The following CLCNKA variants were observed in gnomAD, a reference collection of about 807,000 sequenced individuals.
CLCNKA encodes the protein chloride channel protein ClC-Ka.
In CLCNKA, 66 loss-of-function variants were observed where a neutral mutation model predicts 83.3. The ratio of observed to expected loss-of-function variants is 0.79; its 90% CI spans 0.65 to 0.97. The LOEUF (loss-of-function observed/expected upper bound fraction) is 0.97, where lower values mean the gene tolerates loss of function less well. Among genes scored for constraint, CLCNKA ranks in the 50% least tolerant of loss-of-function variants. The probability of loss-of-function intolerance (pLI) is 0.00; values close to 1 mark genes in which losing one functional copy is unlikely to be tolerated. For missense variants in CLCNKA, 806 were observed against 888.7 expected, an observed-to-expected ratio of 0.91 and a Z score of 1.18; for synonymous variants, 357 against 370.4, an observed-to-expected ratio of 0.96 and a Z score of 0.42.
At position 16,033,695 on chromosome 1, in the gene CLCNKA, A is replaced by C. The variant is rs28418375; in HGVS notation, c.*37A>C. 153,345 of 1,459,566 alleles carry C rather than the reference A, an allele frequency of 0.11. 7,940 individuals are homozygous for C. Among genetic ancestry groups the C allele is most frequent in the Non-Finnish European group, 0.11 (121,525 of 1,058,940 alleles). The allele number at this position is 1,459,566 out of a possible 1,614,324, so 90.4% of individuals were successfully genotyped here. On this transcript the variant is annotated 3_prime_UTR_variant, in exon 20 of 20. Coordinates refer to ENST00000331433, the MANE Select transcript of CLCNKA (RefSeq NM_004070.4). ...AAGATGAAACAGGGCACCCCAGCTG[A>C]CCTGGTACTGAGGTTGGGCTGAGAC...
chr1:16,026,434 G>A, intron 5 of CLCNKA, 102 bp from the exon 6 acceptor site: 1 of 1,538,196 alleles, frequency 6.5e-7, no homozygotes, highest in Non-Finnish European at 8.9e-7. Context: ...GACAGCCCTG[G>A]GGGTTGGGGA....
In CLCNKA at chr1:16,032,229, C is replaced by T. The variant is rs1262759524; in HGVS notation, c.1783C>T (p.Gln595Ter). 1 of 1,612,392 alleles carries T rather than the reference C, an allele frequency of 6.2e-7. No individual in the cohort carries two copies. The highest frequency in any genetic ancestry group is 8.5e-7 in the Non-Finnish European group (1 of 1,179,826). ...GTCCCAGATCCTGGTAGGCATCGTG[C>T]AGAGGGCCCAGCTGGTGCAGGCCCT... Reference protein sequence around the residue: ...TESQILVGIVQRAQLVQALQA... With the variant: ...TESQILVGIV Residue 595 changes from glutamine (Q) to a stop codon, truncating the protein, a stop_gained, in exon 17 of 20, where the codon CAG becomes TAG. Transcript: ENST00000331433. LOFTEE classifies it high-confidence loss of function.
At position 16,029,073 on chromosome 1, in the gene CLCNKA, G is replaced by A. The variant is rs2022503250; in HGVS notation, c.1054-53G>A. 3.1e-6 allele frequency: 5 copies of A among 1,591,768 alleles called. No individual in the cohort carries two copies. In the South Asian group the frequency reaches 4.4e-5, roughly 14 times the overall value. ...GTCAGGCGGTGCGGGGGAGGCTGGG[G>A]TCTGCCGCTGGGGGGGGCCCCTCAT... On this transcript the variant is annotated intron_variant, in intron 11 of 19. Transcript: ENST00000331433.
intron 15 of CLCNKA, 110 bp downstream of exon 15, chr1:16,030,784 G>A: frequency 6.9e-7 from 1 of 1,446,398 alleles, no homozygotes; most frequent in Non-Finnish European, 9.5e-7. Context: ...CCTCCGACAT[G>A]GGGGCTGGGA....
At chr1:16,027,000 G>T in intron 7 of CLCNKA, 1 of 658,194 alleles carries the variant, frequency 1.5e-6, no homozygotes, top group Non-Finnish European at 2.6e-6. Flanking sequence ...ACATTACACA[G>T]ACTTGGGTTT....
In CLCNKA at chr1:16,028,750, A is replaced by AC. The variant is rs1172957093; in HGVS notation, c.969-5dup. 3 of 1,609,890 alleles carry AC rather than the reference A, an allele frequency of 1.9e-6. No individual in the cohort carries two copies. The highest frequency in any genetic ancestry group is 2.2e-5 in the South Asian group (2 of 90,880). On this transcript the variant is annotated splice_polypyrimidine_tract_variant and intron_variant, in intron 10 of 19. Transcript: ENST00000331433. ...GGAGGGCCAGCCCTAGAGCTCACCC[A>AC]CCCCCCACAGCAAGCCTGTGTACTC... is the stretch of plus-strand genomic sequence containing the variant.
At position 16,032,289 on chromosome 1, in the gene CLCNKA, C is replaced by T. The variant is rs2022655563; in HGVS notation, c.1843C>T (p.Gln615Ter). Reference sequence around the variant, plus strand: ...GCCTCCTTCCAGGGCTCCAGGACACCAGGTGGTTACTCCTGAGGGGCGTGG... The same window carrying T: ...GCCTCCTTCCAGGGCTCCAGGACACTAGGTGGTTACTCCTGAGGGGCGTGG... ...AEPPSRAPGH[Q>*]QCLQDILARG... is the part of the protein sequence containing the mutation. The change falls in exon 17 of 20, where the codon CAG (glutamine) becomes TAG (stop). Residue 615 changes from glutamine (Q) to a stop codon, truncating the protein, a stop_gained and splice_region_variant. Transcript: ENST00000331433. LOFTEE classifies it high-confidence loss of function. 2.0e-6 allele frequency: 3 copies of T among 1,485,124 alleles called. No homozygotes were observed. Among genetic ancestry groups the T allele is most frequent in the Non-Finnish European group, 2.7e-6 (3 of 1,091,908 alleles). 92.0% of individuals were successfully genotyped at this position (1,485,124 alleles called of 1,614,324 possible). A position where few individuals can be genotyped will look rare whatever the true frequency, so the allele number is the denominator to read the frequency against.
Position 16,030,006 on chromosome 1 carries a change from G to A in CLCNKA, c.1339G>A (p.Ala447Thr), listed in dbSNP as rs1805152. The A allele has an allele frequency of 0.56, 885,110 of 1,588,384 alleles. 254,002 individuals are homozygous for A. The highest frequency in any genetic ancestry group is 0.74 in the East Asian group (33,178 of 44,838). The change falls in exon 14 of 20, where the codon GCC becomes ACC. Residue 447 changes from alanine (A) to threonine (T), a missense_variant. Coordinates refer to ENST00000331433, the MANE Select transcript of CLCNKA (RefSeq NM_004070.4). ...GRLLGEALAV[A>T]FPEGIVTGGV... ...CCTCTTGGGAGAGGCTCTTGCCGTCGCCTTCCCTGAGGGCATTGTGACTGG... is the reference window on the plus strand; with the variant it reads ...CCTCTTGGGAGAGGCTCTTGCCGTCACCTTCCCTGAGGGCATTGTGACTGG...
intron 15 of CLCNKA, among the ~76,000 whole-genome samples, chr1:16,031,139 C>A (rs1296701492): frequency 1.3e-5 from 2 of 152,158 alleles, no homozygotes; most frequent in Middle Eastern, 3.2e-3. Flanking sequence ...CAGCTTCTGG[C>A]GCCAGAAAAG....
chr1:16,032,920 G>GC lies in CLCNKA; in HGVS notation c.1930-246dup, dbSNP rs1290464442. On this transcript the variant is annotated intron_variant, in intron 18 of 19. Coordinates refer to ENST00000331433, the MANE Select transcript of CLCNKA (RefSeq NM_004070.4). ...GAGGCTGACAGGGGACCTGGAGATG[G>GC]CCCCGCCCCCTCTGTGCTGCTGGAG... 2.0e-5 allele frequency among the ~76,000 whole-genome samples: 3 copies of GC among 152,312 alleles called. No homozygotes were observed. The East Asian group carries it at 5.8e-4, about 29-fold the overall frequency.
chr1:16,030,535 A>T lies in CLCNKA; in HGVS notation c.1483A>T (p.Ile495Leu). 6.2e-7 allele frequency: 1 copy of T among 1,613,146 alleles called. No homozygotes were observed. The highest frequency in any genetic ancestry group is 8.5e-7 in the Non-Finnish European group (1 of 1,180,028). The stretch of plus-strand genomic sequence containing the variant: ...GCTGGCCTTTGAGCTGACCGGCCAG[A>T]TAGTGCATGCACTGCCCGTGCTGAT... ...ALLAFELTGQ[I>L]VHALPVLMAV... Residue 495 changes from isoleucine to leucine, a missense_variant, in exon 15 of 20, where the codon ATA (isoleucine) becomes TTA (leucine). Transcript: ENST00000331433.
At chr1:16,028,214 C>A in intron 10 of CLCNKA, 95 bp downstream of exon 10, 1 of 1,132,958 alleles carries the variant, frequency 8.8e-7, no homozygotes, top group Non-Finnish European at 1.3e-6. Flanking sequence ...TCCCACTGAG[C>A]CCCTAAATCC....
chr1:16,030,357 A>G (rs1262372634), intron 14 of CLCNKA, 104 bp from the exon 15 acceptor site: 2 of 1,432,966 alleles, frequency 1.4e-6, no homozygotes, highest in Middle Eastern at 2.4e-4. Flanking sequence ...GCCTCTTACA[A>G]TTCCCACCCT....
intron 19 of CLCNKA, 133 bp from the exon 20 acceptor site, chr1:16,033,478 C>A (rs2022719684): frequency 1.1e-6 from 1 of 946,612 alleles, no homozygotes; most frequent in Non-Finnish European, 1.7e-6. Flanking sequence ...TCAGTGATCC[C>A]ATCTGTGCAA....
In CLCNKA at chr1:16,029,152, G is replaced by A. The variant is rs757463972; in HGVS notation, c.1080G>A (p.Ser360=). The change falls in exon 12 of 20, where the codon TCG becomes TCA. Residue 360 remains serine (S), a synonymous_variant. Coordinates refer to ENST00000331433, the MANE Select transcript of CLCNKA (RefSeq NM_004070.4). ...TGTCCATGAAGCAGCATCTGGACTC[G>A]CTGTTCGACAACCACTCCTGGGCGC... ...SRLSMKQHLD[S]LFDNHSWALM... The A allele has an allele frequency of 1.6e-5, 26 of 1,611,928 alleles. 1 individual carries two copies. Among genetic ancestry groups the A allele is most frequent in the Non-Finnish European group, 2.1e-5 (25 of 1,179,838 alleles).
chr1:16,030,618 C>A lies in CLCNKA; in HGVS notation c.1566C>A (p.Gly522=). Residue 522 remains glycine (G), a synonymous_variant, in exon 15 of 20, where the codon GGC becomes GGA. Transcript: ENST00000331433. ...AQSCQPSFYD[G]TIIVKKLPYL... Reference sequence around the variant, plus strand: ...GCTGCCAGCCCTCCTTCTATGATGGCACCATCATTGTCAAGAAGCTGCCAT... The same window carrying A: ...GCTGCCAGCCCTCCTTCTATGATGGAACCATCATTGTCAAGAAGCTGCCAT... 1 of 1,613,102 alleles carries A rather than the reference C, an allele frequency of 6.2e-7. No individual in the cohort carries two copies. Among genetic ancestry groups the A allele is most frequent in the African/African-American group, 1.3e-5 (1 of 75,072 alleles).
In CLCNKA at chr1:16,031,635, C is replaced by G. The variant is rs376932346; in HGVS notation, c.1623-75C>G. On this transcript the variant is annotated intron_variant, in intron 15 of 19. Transcript: ENST00000331433. ...GTGGGTCCCTGGTTCAAGCAAAGCT[C>G]CCCTCAGATCCCCTTGCTGGCCTGG... is the stretch of plus-strand genomic sequence containing the variant. 3.2e-5 allele frequency: 51 copies of G among 1,606,466 alleles called. No homozygotes were observed. The African/African-American group carries it at 6.1e-4, about 19-fold the overall frequency.
Position 16,031,705 on chromosome 1 carries a change from T to A in CLCNKA, c.1623-5T>A. On this transcript the variant is annotated splice_polypyrimidine_tract_variant and splice_region_variant and intron_variant, in intron 15 of 19. Transcript: ENST00000331433. ...GGGACCTGATGGGAGCCCCTCTGCC[T>A]GCAGCTCCCACCATGTGAGGGTGGA... 1.9e-6 allele frequency: 3 copies of A among 1,613,624 alleles called. No homozygotes were observed. Among genetic ancestry groups the A allele is most frequent in the Non-Finnish European group, 2.5e-6 (3 of 1,180,008 alleles).
chr1:16,026,664 GC>G (rs745765503), intron 6 of CLCNKA, 32 bp from the exon 7 acceptor site: 1 of 1,613,416 alleles, frequency 6.2e-7, no homozygotes, highest in Non-Finnish European at 8.5e-7. Flanking sequence ...GAGGGAGGGG[GC>G]TGACTCTGAG....
Sources: allele counts gnomAD v4.1 joint callset (sites outside exome capture counted in the v4.1 genomes callset), GRCh38; gene constraint gnomAD v4.1.1; transcripts MANE v1.5; gene names NCBI Gene and HGNC (gene_info 2026-07-23, HGNC 2026-07-21).